The following PPP2R2C variants were observed in gnomAD, a reference collection of about 807,000 sequenced individuals.
PPP2R2C encodes the protein protein phosphatase 2 regulatory subunit Bgamma.
A neutral mutation model predicts 45.3 loss-of-function variants in PPP2R2C; 10 were observed. That is an observed-to-expected ratio of 0.22 (90% CI 0.14 to 0.37). The LOEUF is 0.37. Among genes scored for constraint, PPP2R2C ranks in the 10% least tolerant of loss-of-function variants. The pLI is 1.00. For missense variants in PPP2R2C, 308 were observed against 619.7 expected, an observed-to-expected ratio of 0.50 and a Z score of 5.34; for synonymous variants, 257 against 245.4, an observed-to-expected ratio of 1.05 and a Z score of -0.44.
chr4:6,364,596 G>C lies in PPP2R2C; in HGVS notation c.625+7927C>G, dbSNP rs1218314292. Among the ~76,000 whole-genome samples the C allele has an allele frequency of 6.6e-6, 1 of 152,096 alleles. No homozygotes were observed. The highest frequency in any genetic ancestry group is 1.9e-4 in the East Asian group (1 of 5,192). On this transcript the variant is annotated intron_variant, in intron 5 of 8. Transcript: ENST00000382599. This position sits in a 1 kb window ranked among gnomAD's most constrained non-coding sequence, Gnocchi z 5.3. ...TGATTTGCCAGGCACTGCCCTAAAG[G>C]CTTCCCAGATGTCATCGTAGCACCC...
intron 5 of PPP2R2C, among the ~76,000 whole-genome samples, chr4:6,365,167 T>A (rs1384455828): frequency 1.3e-5 from 2 of 152,118 alleles, no homozygotes; most frequent in Non-Finnish European, 2.9e-5. Flanking sequence ...AGTCCAATGC[T>A]CAACACAGAG....
chr4:6,337,112 G>GTGTATA (rs1202845732), intron 6 of PPP2R2C, among the ~76,000 whole-genome samples: 5 of 30,110 alleles, frequency 1.7e-4, no homozygotes, highest in African/African-American at 4.1e-4. Context: ...ATGTGTGTGT[G>GTGTATA]TATATATATA....
chr4:6,353,105 C>T (rs1712715605), intron 5 of PPP2R2C, among the ~76,000 whole-genome samples: 1 of 152,024 alleles, frequency 6.6e-6, no homozygotes, highest in Admixed American at 6.6e-5. Flanking sequence ...GAACTTGTGG[C>T]CCCCAGGACG....
intron 1 of PPP2R2C, among the ~76,000 whole-genome samples, chr4:6,410,673 T>C (rs1718109275): frequency 6.6e-6 from 1 of 151,878 alleles, no homozygotes; most frequent in Non-Finnish European, 1.5e-5. Context: ...ACCTGCCTAA[T>C]ATCACAGGGG....
Position 6,355,853 on chromosome 4 carries a change from G to A in PPP2R2C, c.626-7843C>T, listed in dbSNP as rs1050967265. On this transcript the variant is annotated intron_variant, in intron 5 of 8. Transcript: ENST00000382599. ...TAAAAATACAAAAAAAATTAGCTGGGCGTGGTAGTGGGCACCTGTAATCCC... is the reference window on the plus strand; with the variant it reads ...TAAAAATACAAAAAAAATTAGCTGGACGTGGTAGTGGGCACCTGTAATCCC... Among the ~76,000 whole-genome samples, 11 of 152,120 alleles carry A rather than the reference G, an allele frequency of 7.2e-5. No homozygotes were observed. In the South Asian group the frequency reaches 8.3e-4, roughly 12 times the overall value.
intron 1 of PPP2R2C, among the ~76,000 whole-genome samples, chr4:6,557,081 G>A (rs933064538): frequency 2.6e-5 from 4 of 152,188 alleles, no homozygotes; most frequent in African/African-American, 4.8e-5. Context: ...AGAAGATACC[G>A]AGGAGGATTC....
intron 1 of PPP2R2C, chr4:6,421,033 T>A (rs903862275): frequency 2.0e-6 from 2 of 985,032 alleles, no homozygotes; most frequent in African/African-American, 3.5e-5. Flanking sequence ...GAGGAAGCGG[T>A]GCTTTGTGTG....
At chr4:6,533,849 G>A (rs1186821045) in intron 2 of PPP2R2C, among the ~76,000 whole-genome samples, 2 of 152,076 alleles carry the variant, frequency 1.3e-5, no homozygotes, top group East Asian at 3.8e-4. Flanking sequence ...GCTGCTCGGT[G>A]AAAAGGTATG....
At chr4:6,370,284 G>A (rs1714696167) in intron 5 of PPP2R2C, among the ~76,000 whole-genome samples, 1 of 152,240 alleles carries the variant, frequency 6.6e-6, no homozygotes, top group African/African-American at 2.4e-5. Flanking sequence ...GTGAAATGGG[G>A]TGATCATCAA....
chr4:6,369,366 C>A (rs893580302), intron 5 of PPP2R2C, among the ~76,000 whole-genome samples: 2 of 152,180 alleles, frequency 1.3e-5, no homozygotes, highest in Non-Finnish European at 2.9e-5. Context: ...TGTGCACAGC[C>A]GTTATGGTTG....
rs1225997371 is a variant in PPP2R2C, at chr4:6,420,782, A to G, written c.71-39688T>C. Among the ~76,000 whole-genome samples, 17 of 152,148 alleles carry G rather than the reference A, an allele frequency of 1.1e-4. No individual in the cohort carries two copies. The East Asian group carries it at 3.1e-3, about 28-fold the overall frequency. Reference sequence around the variant, plus strand: ...ATGGAGCCATAGAGTTGGAAACCAGACCTCGACGATGACGGCACAGATAAG... The same window carrying G: ...ATGGAGCCATAGAGTTGGAAACCAGGCCTCGACGATGACGGCACAGATAAG... On this transcript the variant is annotated intron_variant, in intron 1 of 8. Transcript: ENST00000382599.
At chr4:6,511,042 G>C (rs1262775011) in intron 2 of PPP2R2C, among the ~76,000 whole-genome samples, 2 of 149,836 alleles carry the variant, frequency 1.3e-5, no homozygotes, top group African/African-American at 5.0e-5. Flanking sequence ...TGAATAAGAG[G>C]AACTTTATTT....
intron 6 of PPP2R2C, among the ~76,000 whole-genome samples, chr4:6,346,339 G>C (rs942316642): frequency 7.9e-5 from 12 of 152,184 alleles, no homozygotes; most frequent in Non-Finnish European, 1.8e-4. Flanking sequence ...GGCCACTGCA[G>C]TGCCCTCCTT....
intron 5 of PPP2R2C, among the ~76,000 whole-genome samples, chr4:6,363,007 A>C (rs1413643896): frequency 6.6e-6 from 1 of 152,210 alleles, no homozygotes; most frequent in Non-Finnish European, 1.5e-5. Flanking sequence ...CAACCAGTTA[A>C]CATCGGCAGC....
chr4:6,493,929 C>T (rs187129409), intron 2 of PPP2R2C, among the ~76,000 whole-genome samples: 1 of 152,364 alleles, frequency 6.6e-6, no homozygotes, highest in Non-Finnish European at 1.5e-5. Flanking sequence ...TTAAAGCAAA[C>T]CTTCCTGGCT....
At chr4:6,476,422 C>A (rs1354337449), upstream of PPP2R2C, among the ~76,000 whole-genome samples, 1 of 152,140 alleles carries the variant, frequency 6.6e-6, no homozygotes, top group Non-Finnish European at 1.5e-5. Flanking sequence ...GGATTAGCCG[C>A]CTTATAAGAA....
At chr4:6,562,402 T>C (rs1378809274) in intron 1 of PPP2R2C, among the ~76,000 whole-genome samples, 1 of 148,908 alleles carries the variant, frequency 6.7e-6, no homozygotes, top group African/African-American at 2.5e-5. Flanking sequence ...GCAAGTTACT[T>C]AACTTCTCTG....
chr4:6,415,726 C>T (rs1357435152), intron 1 of PPP2R2C, among the ~76,000 whole-genome samples: 2 of 152,186 alleles, frequency 1.3e-5, no homozygotes, highest in African/African-American at 2.4e-5. Flanking sequence ...GAGCTGTGGT[C>T]ACCCAGGAGG....
chr4:6,453,875 G>A (rs772701826), intron 1 of PPP2R2C, among the ~76,000 whole-genome samples: 1 of 152,164 alleles, frequency 6.6e-6, no homozygotes, highest in Non-Finnish European at 1.5e-5. Context: ...GAGGCAGACG[G>A]CCAGAGGGGC....
Sources: gnomAD v4.1 joint callset for allele counts (sites outside exome capture counted in the v4.1 genomes callset) on GRCh38, gnomAD v4.1.1 for gene constraint, Gnocchi (gnomAD v3.1) non-coding constraint, MANE v1.5 for transcripts, NCBI Gene and HGNC (gene_info 2026-07-23, HGNC 2026-07-21) for gene names.